Variants in ATP2C1 observed in about 807,000 individuals in gnomAD.
The protein encoded by ATP2C1 is calcium-transporting ATPase type 2C member 1.
ATP2C1 carries 31 observed loss-of-function variants against 120.5 expected under a neutral mutation model. The observed-to-expected ratio is 0.26, with a 90% CI of 0.19 to 0.35. The LOEUF is 0.35. ATP2C1 is among the 10% of genes least tolerant of loss of function. The pLI is 1.00. For missense variants in ATP2C1, 731 were observed against 1,107.5 expected (o/e 0.66, Z 4.83); for synonymous variants, 351 against 358.7 (o/e 0.98, Z 0.24).
chr3:131,011,631 T>C (rs954480861), intron 26 of ATP2C1, among the ~76,000 whole-genome samples: 3 of 152,266 alleles, frequency 2.0e-5, no homozygotes, highest in African/African-American at 7.2e-5. Context: ...AAGCCAGGTC[T>C]GAGAATCTTC....
chr3:130,949,062 A>G (rs1261767872), intron 8 of ATP2C1, among the ~76,000 whole-genome samples: 1 of 152,150 alleles, frequency 6.6e-6, no homozygotes. Flanking sequence ...ATAACCCTAC[A>G]GTGGCCTCTT....
intron 2 of ATP2C1, chr3:130,919,230 C>CTT: frequency 1.3e-5 from 2 of 159,586 alleles, no homozygotes; most frequent in South Asian, 1.5e-4. Flanking sequence ...TTCTTTCTTT[C>CTT]TTTTTTTTTT....
chr3:130,968,516 A>G (rs2061152263), intron 16 of ATP2C1, among the ~76,000 whole-genome samples: 1 of 152,164 alleles, frequency 6.6e-6, no homozygotes, highest in South Asian at 2.1e-4. Flanking sequence ...AAGCTAGGGA[A>G]TGAACTAAAG....
intron 12 of ATP2C1, among the ~76,000 whole-genome samples, chr3:130,960,368 A>T (rs1273382192): frequency 2.0e-5 from 3 of 152,154 alleles, no homozygotes; most frequent in Non-Finnish European, 4.4e-5. Context: ...TGAGTGTGGG[A>T]TCTACCTTGG....
intron 1 of ATP2C1, among the ~76,000 whole-genome samples, chr3:130,856,568 T>G (rs890044738): frequency 1.1e-4 from 16 of 152,234 alleles, no homozygotes; most frequent in Admixed American, 6.5e-5. Context: ...TTTTGAAAAG[T>G]CATGAAATGC....
chr3:130,981,703 G>A (rs879623661), intron 20 of ATP2C1, among the ~76,000 whole-genome samples: 25 of 152,088 alleles, frequency 1.6e-4, no homozygotes, highest in Non-Finnish European at 3.5e-4. Context: ...TAATAGTCCT[G>A]CATCCTCACT....
At chr3:130,968,714 A>C (rs2061160162) in intron 16 of ATP2C1, among the ~76,000 whole-genome samples, 1 of 152,188 alleles carries the variant, frequency 6.6e-6, no homozygotes, top group South Asian at 2.1e-4. Flanking sequence ...AAAGCAATAC[A>C]TGGTAGAATT....
chr3:130,940,682 A>T lies in ATP2C1; in HGVS notation c.413A>T (p.Glu138Val). ...GAATTGAGTAAACTTGTGCCACCAG[A>T]ATGCCATTGGTATGATCCTTTTTTT... is the stretch of plus-strand genomic sequence containing the variant. Reference protein sequence around the residue: ...LEELSKLVPPECHCVREGKLE... With the variant: ...LEELSKLVPPVCHCVREGKLE... The change falls in exon 7 of 28, where the codon GAA becomes GTA. Residue 138 changes from glutamate (E) to valine (V), a missense_variant. Coordinates refer to ENST00000510168, the MANE Select transcript of ATP2C1 (RefSeq NM_001378687.1). 1 of 1,611,988 alleles carries T rather than the reference A, an allele frequency of 6.2e-7. No individual in the cohort carries two copies. The highest frequency in any genetic ancestry group is 2.2e-5 in the East Asian group (1 of 44,742).
At chr3:130,974,170 G>C (rs1238989148) in intron 17 of ATP2C1, among the ~76,000 whole-genome samples, 2 of 152,114 alleles carry the variant, frequency 1.3e-5, no homozygotes, top group Admixed American at 1.3e-4. Context: ...ATGAATGATA[G>C]GTATACAGAA....
intron 3 of ATP2C1, 135 bp from the exon 4 acceptor site, chr3:130,931,887 G>A: frequency 1.5e-6 from 1 of 661,700 alleles, no homozygotes; most frequent in Non-Finnish European, 2.7e-6. Flanking sequence ...ACCACTGATA[G>A]GTTGCTCTCA....
At chr3:130,929,947 T>G in intron 2 of ATP2C1, 1 of 241,760 alleles carries the variant, frequency 4.1e-6, no homozygotes, top group Non-Finnish European at 8.2e-6. Flanking sequence ...GTTGTCATGG[T>G]GCGTTGAAAG....
Position 130,913,846 on chromosome 3 carries a change from G to C in ATP2C1, c.7-16570G>C, listed in dbSNP as rs150426119. Reference sequence around the variant, plus strand: ...GACTTTTAGTGTTACACAATGGTTCGGTTCCTGGCCATATCACTTACTAGT... The same window carrying C: ...GACTTTTAGTGTTACACAATGGTTCCGTTCCTGGCCATATCACTTACTAGT... On this transcript the variant is annotated intron_variant, in intron 2 of 27. Coordinates refer to ENST00000510168, the MANE Select transcript of ATP2C1 (RefSeq NM_001378687.1). 7.6e-3 allele frequency among the ~76,000 whole-genome samples: 1,157 copies of C among 152,168 alleles called. 18 individuals carry two copies. The highest frequency in any genetic ancestry group is 0.027 in the African/African-American group (1,102 of 41,500).
At chr3:130,942,002 A>C (rs1056904273) in intron 8 of ATP2C1, among the ~76,000 whole-genome samples, 2 of 152,230 alleles carry the variant, frequency 1.3e-5, no homozygotes, top group Non-Finnish European at 2.9e-5. Flanking sequence ...ATGTGTACAC[A>C]AATTACTCAC....
rs772463011 is a variant in ATP2C1 at position 130,987,625 on chromosome 3, TCAGA to T, written c.1840-5322_1840-5319del. Among the ~76,000 whole-genome samples the T allele has an allele frequency of 2.6e-5, 4 of 152,316 alleles. No individual in the cohort carries two copies. In the South Asian group the frequency reaches 8.3e-4, roughly 32 times the overall value. On this transcript the variant is annotated intron_variant, in intron 20 of 27. Coordinates refer to ENST00000510168, the MANE Select transcript of ATP2C1 (RefSeq NM_001378687.1). ...GGATTACAGGCATAAGCCACTGCACTCAGACAGTTTGCTGCTTTTGCTTCACATC... is the reference window on the plus strand; with the variant it reads ...GGATTACAGGCATAAGCCACTGCACTCAGTTTGCTGCTTTTGCTTCACATC...
At position 130,955,092 on chromosome 3, in the gene ATP2C1, A is replaced by G. The variant is rs761818579; in HGVS notation, c.756+12A>G. 2.6e-6 allele frequency: 4 copies of G among 1,557,666 alleles called. No individual in the cohort carries two copies. Among genetic ancestry groups the G allele is most frequent in the Non-Finnish European group, 3.5e-6 (4 of 1,129,030 alleles). On this transcript the variant is annotated intron_variant, in intron 10 of 27. Transcript: ENST00000510168. ...TGCAAGCAGAAGAGGTGAGTACTTA[A>G]TATGTTAATGATGTATTTGTTCCAA...
In ATP2C1 at chr3:130,894,846, G is replaced by C; in HGVS notation, c.6+71G>C. 8.4e-6 allele frequency: 12 copies of C among 1,424,442 alleles called. No homozygotes were observed. In the South Asian group the frequency reaches 1.4e-4, roughly 16 times the overall value. The allele number at this position is 1,424,442 out of a possible 1,614,324, so 88.2% of individuals were successfully genotyped here. A position where few individuals can be genotyped will look rare whatever the true frequency, so the allele number is the denominator to read the frequency against. ...GGTGGTTTGCTTTTAAGTTGTCTTT[G>C]TTTTTCCACCTTTTTATTTTCGTGA... On this transcript the variant is annotated intron_variant, in intron 2 of 27. Coordinates refer to ENST00000510168, the MANE Select transcript of ATP2C1 (RefSeq NM_001378687.1). The surrounding 1 kb of genome is among the most constrained non-coding windows in gnomAD (Gnocchi z 4.5).
chr3:130,949,590 G>A (rs2108514690), intron 8 of ATP2C1, among the ~76,000 whole-genome samples: 1 of 152,234 alleles, frequency 6.6e-6, no homozygotes, highest in East Asian at 1.9e-4. Flanking sequence ...GAAGGTGGTT[G>A]TACCGAACAT....
chr3:131,016,024 T>G, intron 26 of ATP2C1: 6 of 1,227,510 alleles, frequency 4.9e-6, no homozygotes, highest in East Asian at 2.6e-5. Flanking sequence ...TACATTAAGA[T>G]TAGTTTTTTT....
upstream of ATP2C1, chr3:130,893,995 G>A: frequency 1.0e-6 from 1 of 985,912 alleles, no homozygotes; most frequent in Admixed American, 6.1e-5. Flanking sequence ...TAGTGACAAA[G>A]CTGGGTTCGC....
Sources: allele counts gnomAD v4.1 joint callset (sites outside exome capture counted in the v4.1 genomes callset), GRCh38; gene constraint gnomAD v4.1.1; non-coding constraint Gnocchi (gnomAD v3.1); transcripts MANE v1.5; gene names NCBI Gene and HGNC (gene_info 2026-07-23, HGNC 2026-07-21).